The following TMEM266 variants were observed in gnomAD, a reference collection of about 807,000 sequenced individuals.
TMEM266 encodes the protein transmembrane protein 266, also known as Hv1 related protein 1.
In TMEM266, 33 loss-of-function variants were observed where a neutral mutation model predicts 50.5. The observed-to-expected ratio is 0.65, with a 90% CI of 0.50 to 0.87. The LOEUF (loss-of-function observed/expected upper bound fraction) is 0.87, where lower values mean the gene tolerates loss of function less well. Ranked by LOEUF, TMEM266 falls within the 40% of genes least tolerant of loss-of-function variation. The probability of loss-of-function intolerance (pLI) is 0.00; values close to 1 mark genes in which losing one functional copy is unlikely to be tolerated. For synonymous variants in TMEM266, 310 were observed against 292.3 expected (o/e 1.06, Z -0.62); for missense variants, 655 against 695.1 (o/e 0.94, Z 0.65).
intron 3 of TMEM266, among the ~76,000 whole-genome samples, chr15:76,154,583 T>C (rs1302981532): frequency 2.0e-5 from 3 of 152,002 alleles, no homozygotes; most frequent in African/African-American, 7.3e-5. Context: ...TCTTGGACCA[T>C]GCGGGGTTCA....
In TMEM266 at chr15:76,192,054, C is replaced by A. The variant is rs747418266; in HGVS notation, c.855C>A (p.His285Gln). 3.3e-5 allele frequency: 50 copies of A among 1,521,496 alleles called. No individual in the cohort carries two copies. The highest frequency in any genetic ancestry group is 4.2e-5 in the Non-Finnish European group (48 of 1,141,388). The allele number at this position is 1,521,496 out of a possible 1,614,324, so 94.2% of individuals were successfully genotyped here. A position where few individuals can be genotyped will look rare whatever the true frequency, so the allele number is the denominator to read the frequency against. Residue 285 changes from histidine to glutamine, a missense_variant, in exon 9 of 11, where the codon CAC becomes CAA. Transcript: ENST00000388942. Reference sequence around the variant, plus strand: ...GCGAAGCGGCGCTCCAGGCCCCGCACGTGCTCAGCCAGCCGCGCAGCCGCT... The same window carrying A: ...GCGAAGCGGCGCTCCAGGCCCCGCAAGTGCTCAGCCAGCCGCGCAGCCGCT...
At chr15:76,075,102 G>C (rs1228869370) in intron 1 of TMEM266, among the ~76,000 whole-genome samples, 3 of 152,120 alleles carry the variant, frequency 2.0e-5, no homozygotes, top group Non-Finnish European at 4.4e-5. Flanking sequence ...TGTAATTGAA[G>C]ATGTCAAGTA....
rs76176592 is a variant in TMEM266, at chr15:76,175,510, C to T, written c.653-49C>T. 3.7e-4 allele frequency: 561 copies of T among 1,496,918 alleles called. 2 individuals are homozygous for T. In the African/African-American group the frequency reaches 7.0e-3, roughly 19 times the overall value. 92.7% of individuals were successfully genotyped at this position (1,496,918 alleles called of 1,614,324 possible). ...ATGCTGGGCCCGCCCTTCCCTAGTC[C>T]AAGCCCTGCCACTGCTGAATTCTTT... On this transcript the variant is annotated intron_variant, in intron 7 of 10. Coordinates refer to ENST00000388942, the MANE Select transcript of TMEM266 (RefSeq NM_152335.3).
chr15:76,156,728 G>GAACTTCT lies in TMEM266; in HGVS notation c.355_361dup (p.Ile121ThrfsTer56). The GAACTTCT allele has an allele frequency of 1.2e-6, 2 of 1,614,146 alleles. No homozygotes were observed. Among genetic ancestry groups the GAACTTCT allele is most frequent in the Non-Finnish European group, 1.7e-6 (2 of 1,179,980 alleles). ...ATTGGTGGTGATTCTCCTGACTCTG[G>GAACTTCT]AACTTCTAATAGATATAAAGCTTCT... On this transcript the variant is annotated frameshift_variant, in exon 4 of 11. Coordinates refer to ENST00000388942, the MANE Select transcript of TMEM266 (RefSeq NM_152335.3). LOFTEE classifies it high-confidence loss of function.
At chr15:76,148,710 A>C (rs1418315814) in intron 3 of TMEM266, among the ~76,000 whole-genome samples, 1 of 77,342 alleles carries the variant, frequency 1.3e-5, no homozygotes, top group Non-Finnish European at 2.3e-5. Flanking sequence ...AGTGTATGGC[A>C]GTTTGTCCAC....
chr15:76,180,793 T>C (rs910609818), intron 8 of TMEM266, among the ~76,000 whole-genome samples: 1 of 151,726 alleles, frequency 6.6e-6, no homozygotes, highest in Admixed American at 6.6e-5. Context: ...TTTGTATTTT[T>C]AGTAGAGACG....
At chr15:76,167,503 G>GGT (rs944774003) in intron 5 of TMEM266, among the ~76,000 whole-genome samples, 32 of 150,552 alleles carry the variant, frequency 2.1e-4, no homozygotes, top group African/African-American at 3.9e-4. Context: ...ATTATTATGT[G>GGT]GTGTGTGTGT....
At chr15:76,067,900 T>C (rs1406247422) in intron 1 of TMEM266, among the ~76,000 whole-genome samples, 1 of 152,082 alleles carries the variant, frequency 6.6e-6, no homozygotes, top group Non-Finnish European at 1.5e-5. Context: ...TGGAGGGAAT[T>C]ATATTTGACC....
At chr15:76,155,006 C>T (rs556774455) in intron 3 of TMEM266, among the ~76,000 whole-genome samples, 1 of 152,376 alleles carries the variant, frequency 6.6e-6, no homozygotes, top group South Asian at 2.1e-4. Flanking sequence ...TCATCGTCGT[C>T]ATCATCACCA....
At chr15:76,178,162 T>C (rs2038325426) in intron 8 of TMEM266, among the ~76,000 whole-genome samples, 1 of 152,020 alleles carries the variant, frequency 6.6e-6, no homozygotes, top group South Asian at 2.1e-4. Context: ...AGAGGAAGCC[T>C]GGAGGATTAA....
At chr15:76,079,245 C>T (rs62027656) in intron 1 of TMEM266, among the ~76,000 whole-genome samples, 19 of 150,346 alleles carry the variant, frequency 1.3e-4, no homozygotes, top group African/African-American at 2.5e-4. Context: ...CCCAGCTACT[C>T]GGGAGGCTGA....
chr15:76,127,617 C>T (rs1029574237), intron 1 of TMEM266, among the ~76,000 whole-genome samples: 28 of 152,166 alleles, frequency 1.8e-4, no homozygotes, highest in African/African-American at 5.6e-4. Flanking sequence ...TGATCCACCA[C>T]ACCTGGCCTG....
At chr15:76,098,081 C>T (rs1015573734) in intron 1 of TMEM266, among the ~76,000 whole-genome samples, 1 of 152,012 alleles carries the variant, frequency 6.6e-6, no homozygotes, top group Admixed American at 6.6e-5. Context: ...TTATTACCCA[C>T]CTTCTGAAGT....
intron 8 of TMEM266, among the ~76,000 whole-genome samples, chr15:76,180,544 G>A (rs1567178700): frequency 1.3e-5 from 2 of 151,292 alleles, no homozygotes; most frequent in South Asian, 4.2e-4. Flanking sequence ...TGGATCACCC[G>A]GCTGGGGCAG....
chr15:76,079,833 G>C (rs1418890495), intron 1 of TMEM266, among the ~76,000 whole-genome samples: 2 of 151,556 alleles, frequency 1.3e-5, no homozygotes, highest in Admixed American at 6.6e-5. Flanking sequence ...TAGGGCGGTG[G>C]GGGGGTGGGG....
intron 3 of TMEM266, among the ~76,000 whole-genome samples, chr15:76,155,765 G>T (rs1169907823): frequency 1.3e-5 from 2 of 152,156 alleles, no homozygotes; most frequent in Non-Finnish European, 2.9e-5. Context: ...TGTGGAACTA[G>T]TGTTCCACTC....
chr15:76,177,747 G>A (rs2038313001), intron 8 of TMEM266, among the ~76,000 whole-genome samples: 1 of 152,230 alleles, frequency 6.6e-6, no homozygotes, highest in African/African-American at 2.4e-5. Context: ...CGCGTGGTTA[G>A]CCAGCACCGT....
chr15:76,100,659 G>A (rs2036987872), intron 1 of TMEM266, among the ~76,000 whole-genome samples: 2 of 152,168 alleles, frequency 1.3e-5, no homozygotes, highest in African/African-American at 4.8e-5. Flanking sequence ...TTCAATTCAG[G>A]GAACTCAGAA....
rs1254929804 is a variant in TMEM266, at chr15:76,192,036, G to T, written c.837G>T (p.Ala279=). ...TGGACCTGGCTGCCGAGCGCGAAGC[G>T]GCGCTCCAGGCCCCGCACGTGCTCA... The change falls in exon 9 of 11, where the codon GCG becomes GCT. Residue 279 remains alanine (A), a synonymous_variant. Coordinates refer to ENST00000388942, the MANE Select transcript of TMEM266 (RefSeq NM_152335.3). The T allele has an allele frequency of 1.9e-6, 3 of 1,560,886 alleles. No homozygotes were observed. The Middle Eastern group carries it at 6.9e-4, about 359-fold the overall frequency.
Sources: gnomAD v4.1 joint callset for allele counts (sites outside exome capture counted in the v4.1 genomes callset) on GRCh38, gnomAD v4.1.1 for gene constraint, MANE v1.5 for transcripts, NCBI Gene and HGNC (gene_info 2026-07-23, HGNC 2026-07-21) for gene names.